Variants in PGAP4 observed in about 807,000 individuals in gnomAD.
The protein encoded by PGAP4 is post-GPI attachment to proteins GalNAc transferase 4.
PGAP4 carries 12 observed loss-of-function variants against 28.2 expected under a neutral mutation model. The observed-to-expected ratio is 0.42, with a 90% CI of 0.27 to 0.69. The LOEUF is 0.69. Ranked by LOEUF, PGAP4 falls within the 30% of genes least tolerant of loss-of-function variation. The probability of loss-of-function intolerance (pLI) is 0.22; values close to 1 mark genes in which losing one functional copy is unlikely to be tolerated. For missense variants in PGAP4, 425 were observed against 513.5 expected, an observed-to-expected ratio of 0.83 and a Z score of 1.67; for synonymous variants, 205 against 211.8, an observed-to-expected ratio of 0.97 and a Z score of 0.28.
upstream of PGAP4, among the ~76,000 whole-genome samples, chr9:101,491,049 A>C (rs1028417967): frequency 2.0e-5 from 3 of 152,176 alleles, no homozygotes; most frequent in African/African-American, 7.2e-5. Flanking sequence ...TAATAATACC[A>C]GCTTCTTCTG....
intron 2 of PGAP4, among the ~76,000 whole-genome samples, chr9:101,492,225 G>T: frequency 6.6e-6 from 1 of 150,994 alleles, no homozygotes; most frequent in Non-Finnish European, 1.5e-5. Flanking sequence ...ACGGAGTCTC[G>T]CTCTGTTGCC....
chr9:101,512,080 TAA>T (rs1826903383), intron 2 of PGAP4, among the ~76,000 whole-genome samples: 2 of 152,132 alleles, frequency 1.3e-5, no homozygotes, highest in Admixed American at 6.6e-5. Flanking sequence ...ACTGATGCCC[TAA>T]GTCTCACCTG....
chr9:101,490,901 G>T (rs571236436), upstream of PGAP4, among the ~76,000 whole-genome samples: 3 of 152,128 alleles, frequency 2.0e-5, no homozygotes, highest in South Asian at 2.1e-4. Flanking sequence ...CTGAATTCTC[G>T]CTATCGGCAA....
At chr9:101,498,464 T>C (rs1826770387) in intron 2 of PGAP4, among the ~76,000 whole-genome samples, 1 of 151,896 alleles carries the variant, frequency 6.6e-6, no homozygotes, top group Non-Finnish European at 1.5e-5. Context: ...CTGTTGTAAT[T>C]TGTAAAGCCG....
intron 2 of PGAP4, among the ~76,000 whole-genome samples, chr9:101,505,567 T>TA (rs1007969478): frequency 8.3e-4 from 125 of 151,026 alleles, no homozygotes; most frequent in African/African-American, 2.7e-3. Context: ...CTTCTCTGAA[T>TA]AAAAAAAAAT....
intron 2 of PGAP4, among the ~76,000 whole-genome samples, chr9:101,512,223 A>C (rs1490049024): frequency 6.6e-6 from 1 of 152,062 alleles, no homozygotes; most frequent in Non-Finnish European, 1.5e-5. Flanking sequence ...ATTGCCACAT[A>C]ATCAAACTGC....
chr9:101,508,886 C>A (rs1443106440), intron 2 of PGAP4, among the ~76,000 whole-genome samples: 1 of 152,076 alleles, frequency 6.6e-6, no homozygotes, highest in African/African-American at 2.4e-5. Context: ...TACTCTGTAA[C>A]CTCGTTTTAT....
intron 2 of PGAP4, among the ~76,000 whole-genome samples, chr9:101,499,070 A>T (rs1181548648): frequency 3.3e-5 from 5 of 152,018 alleles, no homozygotes; most frequent in Admixed American, 3.3e-4. Flanking sequence ...TCTAGAAAGC[A>T]AGAGTATTCA....
chr9:101,480,363 GTTGT>G (rs113071012), intron 1 of PGAP4, among the ~76,000 whole-genome samples: 90 of 151,458 alleles, frequency 5.9e-4, no homozygotes, highest in Admixed American at 2.1e-3. Flanking sequence ...TGTTGTTGTT[GTTGT>G]TTGTTTGTTT....
upstream of PGAP4, among the ~76,000 whole-genome samples, chr9:101,488,610 T>C (rs750154539): frequency 1.3e-5 from 2 of 152,244 alleles, no homozygotes; most frequent in African/African-American, 2.4e-5. Context: ...TGGTAGTTAT[T>C]CACTTGTTTA....
chr9:101,530,246 A>G (rs2118644108), intron 2 of PGAP4, among the ~76,000 whole-genome samples: 1 of 152,372 alleles, frequency 6.6e-6, no homozygotes, highest in South Asian at 2.1e-4. Context: ...AGTACTGTGC[A>G]ACCAAAGCTT....
In PGAP4 at chr9:101,476,797, C is replaced by T. The variant is rs751710145; in HGVS notation, c.296G>A (p.Arg99Gln). The T allele has an allele frequency of 8.7e-6, 14 of 1,611,376 alleles. No individual in the cohort carries two copies. Among genetic ancestry groups the T allele is most frequent in the East Asian group, 2.2e-5 (1 of 44,848 alleles). The change falls in exon 2 of 2, where the codon CGG (arginine) becomes CAG (glutamine). Residue 99 changes from arginine to glutamine, a missense_variant. Arg to Gln is a conservative substitution (Grantham distance 43, BLOSUM62 1). Coordinates refer to ENST00000374848, the MANE Select transcript of PGAP4 (RefSeq NM_032342.3). This position sits in a 1 kb window ranked among gnomAD's most constrained non-coding sequence, Gnocchi z 7.0. ...GATGATGGTGATCACCAGCCAGGGCCGGGGGGTGGCCTGCCAGACAATGGG... is the reference window on the plus strand; with the variant it reads ...GATGATGGTGATCACCAGCCAGGGCTGGGGGGTGGCCTGCCAGACAATGGG... Reference protein sequence around the residue: ...SVPIVWQATPRPWLVITIITV... With the variant: ...SVPIVWQATPQPWLVITIITV...
chr9:101,495,747 A>G (rs1041841498), intron 2 of PGAP4, among the ~76,000 whole-genome samples: 1 of 150,898 alleles, frequency 6.6e-6, no homozygotes, highest in Non-Finnish European at 1.5e-5. Flanking sequence ...TTTTAAAGTA[A>G]TCCAAAACCT....
chr9:101,481,713 G>A (rs986367556), intron 1 of PGAP4, among the ~76,000 whole-genome samples: 2 of 152,268 alleles, frequency 1.3e-5, no homozygotes, highest in South Asian at 2.1e-4. Flanking sequence ...AAGGATCCAC[G>A]GGTGTGGAAG....
At chr9:101,533,599 G>T (rs1315789004), upstream of PGAP4, 2 of 152,286 alleles carry the variant, frequency 1.3e-5, no homozygotes, top group Non-Finnish European at 2.9e-5. Context: ...GATCGCAGTA[G>T]CAAAGGTCAA....
At position 101,501,741 on chromosome 9, in the gene PGAP4, G is replaced by A. The variant is rs190547461; in HGVS notation, c.-164-12541C>T. The A allele has an allele frequency of 7.0e-4, 361 of 519,092 alleles. 2 individuals carry two copies. The highest frequency in any genetic ancestry group is 4.7e-4 in the Admixed American group (24 of 51,412). The allele number at this position is 519,092 out of a possible 1,614,324, so 32.2% of individuals were successfully genotyped here. A position where few individuals can be genotyped will look rare whatever the true frequency, so the allele number is the denominator to read the frequency against. The stretch of plus-strand genomic sequence containing the variant: ...GGACCCAGTTTGTTCCAGGGCTCTG[G>A]GTTATTCTTTCTGTCCCAACTAACA... On this transcript the variant is annotated intron_variant, in intron 2 of 3. Transcript: ENST00000374851.
chr9:101,510,805 A>T (rs1826891323), intron 2 of PGAP4, among the ~76,000 whole-genome samples: 1 of 152,158 alleles, frequency 6.6e-6, no homozygotes, highest in Non-Finnish European at 1.5e-5. Context: ...CCACACGTGG[A>T]CTAAAATAAG....
chr9:101,497,376 A>G (rs1826761051), intron 2 of PGAP4, among the ~76,000 whole-genome samples: 1 of 151,704 alleles, frequency 6.6e-6, no homozygotes, highest in Non-Finnish European at 1.5e-5. Flanking sequence ...CACCTAAGTG[A>G]GAACCTTAAA....
chr9:101,524,152 T>G (rs1588211113), intron 2 of PGAP4, among the ~76,000 whole-genome samples: 1 of 151,282 alleles, frequency 6.6e-6, no homozygotes, highest in African/African-American at 2.4e-5. Flanking sequence ...GGGGCGGGTG[T>G]GCAATGGACT....
Sources: allele counts gnomAD v4.1 joint callset (sites outside exome capture counted in the v4.1 genomes callset), GRCh38; gene constraint gnomAD v4.1.1; non-coding constraint Gnocchi (gnomAD v3.1); transcripts MANE v1.5; gene names NCBI Gene and HGNC (gene_info 2026-07-23, HGNC 2026-07-21).